The following VPS41 variants were observed in gnomAD, a reference collection of about 807,000 sequenced individuals.
The protein encoded by VPS41 is vacuolar protein sorting-associated protein 41 homolog.
A neutral mutation model predicts 130.9 loss-of-function variants in VPS41; 85 were observed. The ratio of observed to expected loss-of-function variants is 0.65; its 90% CI spans 0.55 to 0.78. The LOEUF is 0.78. Among genes scored for constraint, VPS41 ranks in the 30% least tolerant of loss-of-function variants. The pLI is 0.00. For missense variants in VPS41, 874 were observed against 1,018.7 expected, an observed-to-expected ratio of 0.86 and a Z score of 1.93; for synonymous variants, 335 against 332.9, an observed-to-expected ratio of 1.01 and a Z score of -0.07.
intron 2 of VPS41, 78 bp from the exon 3 acceptor site, chr7:38,869,331 G>C: frequency 1.1e-6 from 1 of 908,560 alleles, no homozygotes. Flanking sequence ...CTTCTTACGA[G>C]AGAACCAGAG....
At chr7:38,807,438 CAAAT>C (rs150526693) in intron 7 of VPS41, among the ~76,000 whole-genome samples, 9,778 of 152,128 alleles carry the variant, frequency 0.064, 458 homozygotes, top group South Asian at 0.13. Flanking sequence ...GGCTTAAAGA[CAAAT>C]AAAGGACTGT....
chr7:38,779,495 A>G (rs1784319719), intron 10 of VPS41, among the ~76,000 whole-genome samples: 1 of 152,166 alleles, frequency 6.6e-6, no homozygotes, highest in Non-Finnish European at 1.5e-5. Context: ...ATCTCCATTA[A>G]TACCCACTGG....
intron 10 of VPS41, among the ~76,000 whole-genome samples, chr7:38,777,019 T>A (rs1233101049): frequency 6.6e-6 from 1 of 152,118 alleles, no homozygotes; most frequent in Non-Finnish European, 1.5e-5. Flanking sequence ...AATCCAACAA[T>A]AATAGCAGCA....
intron 4 of VPS41, among the ~76,000 whole-genome samples, chr7:38,841,430 G>C (rs1785605876): frequency 6.6e-6 from 1 of 152,130 alleles, no homozygotes; most frequent in South Asian, 2.1e-4. Context: ...ACAAGAAATG[G>C]GTCTTCTACC....
chr7:38,739,054 G>GT (rs1169063099), intron 25 of VPS41, among the ~76,000 whole-genome samples: 1 of 152,194 alleles, frequency 6.6e-6, no homozygotes, highest in Non-Finnish European at 1.5e-5. Flanking sequence ...GCTAATGAAT[G>GT]ATCTCCCAAA....
intron 23 of VPS41, among the ~76,000 whole-genome samples, chr7:38,745,158 A>G (rs1160925944): frequency 6.6e-6 from 1 of 152,184 alleles, no homozygotes; most frequent in African/African-American, 2.4e-5. Flanking sequence ...CTCCAAAACT[A>G]TGGTATTCAA....
chr7:38,872,888 A>C (rs1168736111), intron 2 of VPS41, among the ~76,000 whole-genome samples: 1 of 152,246 alleles, frequency 6.6e-6, no homozygotes, highest in Non-Finnish European at 1.5e-5. Context: ...TGAAGTAAAC[A>C]TGTTAAATAC....
intron 17 of VPS41, among the ~76,000 whole-genome samples, chr7:38,759,750 G>T (rs4723786): frequency 0.99 from 151,193 of 152,266 alleles, 75,069 homozygotes; most frequent in African/African-American, 1. Context: ...AGCTTTAACA[G>T]CTTACAGATA....
chr7:38,795,107 G>C (rs968143320), intron 9 of VPS41, among the ~76,000 whole-genome samples: 2 of 151,976 alleles, frequency 1.3e-5, no homozygotes, highest in African/African-American at 4.8e-5. Context: ...TCAAAGCTAA[G>C]GGAAAATGAA....
rs1795503011 is a variant in VPS41 at position 38,724,619 on chromosome 7, G to GTTTTTTTTTT, written c.*1626_*1627insAAAAAAAAAA. 1.1e-5 allele frequency: 1 copy of GTTTTTTTTTT among 94,878 alleles called. No homozygotes were observed. The highest frequency in any genetic ancestry group is 5.5e-5 in the African/African-American group (1 of 18,058). 5.9% of individuals were successfully genotyped at this position (94,878 alleles called of 1,614,324 possible). On this transcript the variant is annotated 3_prime_UTR_variant, in exon 29 of 29. Coordinates refer to ENST00000310301, the MANE Select transcript of VPS41 (RefSeq NM_014396.4). ...CTTTTCTTTTCTTTTTTGAGACGGAGTTTTGCTCTTGTTGCCCAGGCTGGA... is the reference window on the plus strand; with the variant it reads ...CTTTTCTTTTCTTTTTTGAGACGGAGTTTTTTTTTTTTTTGCTCTTGTTGCCCAGGCTGGA...
At chr7:38,851,076 C>T (rs940566748) in intron 4 of VPS41, among the ~76,000 whole-genome samples, 5 of 152,132 alleles carry the variant, frequency 3.3e-5, no homozygotes, top group Admixed American at 2.0e-4. Flanking sequence ...GATCCCCACC[C>T]CACCCAAAGA....
intron 25 of VPS41, among the ~76,000 whole-genome samples, chr7:38,741,723 C>T (rs1448700645): frequency 6.6e-6 from 1 of 152,116 alleles, no homozygotes; most frequent in East Asian, 1.9e-4. Flanking sequence ...AGAATGTCTG[C>T]TCAAAAACAA....
At chr7:38,864,459 T>C (rs918782526) in intron 3 of VPS41, among the ~76,000 whole-genome samples, 12 of 152,222 alleles carry the variant, frequency 7.9e-5, no homozygotes, top group African/African-American at 2.7e-4. Flanking sequence ...GATTCAGTGA[T>C]TTTTATGACA....
At chr7:38,774,004 T>A (rs1273374087) in intron 12 of VPS41, 111 bp downstream of exon 12, 2 of 1,109,274 alleles carry the variant, frequency 1.8e-6, no homozygotes, top group East Asian at 2.5e-5. Context: ...TACGCAGGTA[T>A]TCTCTTAAGA....
intron 1 of VPS41, among the ~76,000 whole-genome samples, chr7:38,899,857 T>C (rs1393145398): frequency 2.6e-5 from 4 of 152,206 alleles, no homozygotes; most frequent in Admixed American, 2.6e-4. Flanking sequence ...GAAAATCACA[T>C]TAAACCTAAG....
intron 14 of VPS41, among the ~76,000 whole-genome samples, chr7:38,768,609 G>A (rs771280385): frequency 3.0e-4 from 46 of 152,158 alleles, no homozygotes; most frequent in Non-Finnish European, 5.6e-4. Flanking sequence ...CATATTTCAA[G>A]TCTATAGGAA....
At chr7:38,735,270 T>C (rs574708642) in intron 25 of VPS41, among the ~76,000 whole-genome samples, 1 of 152,258 alleles carries the variant, frequency 6.6e-6, no homozygotes. Context: ...TAGGAGCTTA[T>C]ATACTGAGAG....
chr7:38,825,397 C>A (rs1400023261), intron 5 of VPS41, among the ~76,000 whole-genome samples: 2 of 152,184 alleles, frequency 1.3e-5, no homozygotes, highest in African/African-American at 4.8e-5. Flanking sequence ...TAGCTGCTCA[C>A]ACGTTATACT....
chr7:38,723,530 C>T lies in VPS41; in HGVS notation c.*2716G>A, dbSNP rs1795477307. 1 of 151,746 alleles carries T rather than the reference C, an allele frequency of 6.6e-6. No individual in the cohort carries two copies. Among genetic ancestry groups the T allele is most frequent in the African/African-American group, 2.4e-5 (1 of 41,276 alleles). The allele number at this position is 151,746 out of a possible 1,614,324, so 9.4% of individuals were successfully genotyped here. The stretch of plus-strand genomic sequence containing the variant: ...CCTGAGCTCAGGAGTTCGAGACCAG[C>T]TTGGGCAACATGGTGAAACCTCATC... On this transcript the variant is annotated 3_prime_UTR_variant, in exon 29 of 29. Coordinates refer to ENST00000310301, the MANE Select transcript of VPS41 (RefSeq NM_014396.4).
Sources: allele counts gnomAD v4.1 joint callset (sites outside exome capture counted in the v4.1 genomes callset), GRCh38; gene constraint gnomAD v4.1.1; transcripts MANE v1.5; gene names NCBI Gene and HGNC (gene_info 2026-07-23, HGNC 2026-07-21).